SAPCD2: variants seen among roughly 807,000 people sequenced by gnomAD.
SAPCD2 encodes the protein suppressor APC domain-containing protein 2.
A neutral mutation model predicts 37.8 loss-of-function variants in SAPCD2; 34 were observed. The observed-to-expected ratio is 0.90, with a 90% CI of 0.68 to 1.20. The LOEUF is 1.20. SAPCD2 is among the 50% of genes most tolerant of loss of function. The probability of loss-of-function intolerance (pLI) is 0.00; values close to 1 mark genes in which losing one functional copy is unlikely to be tolerated. For missense variants in SAPCD2, 572 were observed against 584.7 expected, an observed-to-expected ratio of 0.98 and a Z score of 0.22; for synonymous variants, 275 against 270.3, an observed-to-expected ratio of 1.02 and a Z score of -0.17.
At chr9:137,067,634 C>T (rs940825448) in intron 1 of SAPCD2, among the ~76,000 whole-genome samples, 3 of 149,256 alleles carry the variant, frequency 2.0e-5, no homozygotes, top group Admixed American at 6.6e-5. Flanking sequence ...ATTAGCAGGG[C>T]GTGGTGGCAT....
chr9:137,062,485 T>C lies in SAPCD2; in HGVS notation c.*2174A>G, dbSNP rs1441243992. 1 of 152,186 alleles carries C rather than the reference T, an allele frequency of 6.6e-6. No homozygotes were observed. Among genetic ancestry groups the C allele is most frequent in the African/African-American group, 2.4e-5 (1 of 41,446 alleles). 9.4% of individuals were successfully genotyped at this position (152,186 alleles called of 1,614,324 possible). A position where few individuals can be genotyped will look rare whatever the true frequency, so the allele number is the denominator to read the frequency against. On this transcript the variant is annotated 3_prime_UTR_variant, in exon 6 of 6. Transcript: ENST00000409687. Reference sequence around the variant, plus strand: ...GAGGCCTGGTGTGGGTGTGTTCCTCTGGGGCAGATTCTCAACTGGGGACAC... The same window carrying C: ...GAGGCCTGGTGTGGGTGTGTTCCTCCGGGGCAGATTCTCAACTGGGGACAC...
Position 137,065,785 on chromosome 9 carries a change from G to A in SAPCD2, c.685-117C>T, listed in dbSNP as rs79333944. 5.6e-3 allele frequency: 7,273 copies of A among 1,300,914 alleles called. 282 individuals carry two copies. In the African/African-American group the frequency reaches 0.086, roughly 15 times the overall value. 80.6% of individuals were successfully genotyped at this position (1,300,914 alleles called of 1,614,324 possible). A position where few individuals can be genotyped will look rare whatever the true frequency, so the allele number is the denominator to read the frequency against. ...GCCACAGACACAAATGCAGCAGCAC[G>A]TGTACACGTTTGCAAACACCCACGG... On this transcript the variant is annotated intron_variant, in intron 2 of 5. Coordinates refer to ENST00000409687, the MANE Select transcript of SAPCD2 (RefSeq NM_178448.4).
At position 137,070,142 on chromosome 9, in the gene SAPCD2, G is replaced by C. The variant is rs1832603494; in HGVS notation, c.319C>G (p.Arg107Gly). Reference protein sequence around the residue: ...SADGGPRDPTRAPARPGDQPP... With the variant: ...SADGGPRDPTGAPARPGDQPP... ...TGATCCCCGGGCCGGGCCGGGGCGC[G>C]CGTGGGGTCCCGGGGGCCGCCGTCG... The change falls in exon 1 of 6, where the codon CGC (arginine) becomes GGC (glycine). Residue 107 changes from arginine (R) to glycine (G), a missense_variant. Physicochemically the swap from Arg to Gly is moderately radical, Grantham distance 125. Coordinates refer to ENST00000409687, the MANE Select transcript of SAPCD2 (RefSeq NM_178448.4). The C allele has an allele frequency of 4.2e-6, 5 of 1,202,518 alleles. No homozygotes were observed. The highest frequency in any genetic ancestry group is 5.2e-6 in the Non-Finnish European group (5 of 970,320). The allele number at this position is 1,202,518 out of a possible 1,614,324, so 74.5% of individuals were successfully genotyped here.
rs775873796 is a variant in SAPCD2, at chr9:137,065,474, C to T, written c.831+48G>A. The T allele has an allele frequency of 3.2e-6, 5 of 1,541,524 alleles. No homozygotes were observed. The Admixed American group carries it at 5.8e-5, about 18-fold the overall frequency. Reference sequence around the variant, plus strand: ...AATGCCCAAGGGTGCCTGGGGTGAGCTGGGGTCCCCATGTGTGGGGATCTG... The same window carrying T: ...AATGCCCAAGGGTGCCTGGGGTGAGTTGGGGTCCCCATGTGTGGGGATCTG... On this transcript the variant is annotated intron_variant, in intron 3 of 5. Coordinates refer to ENST00000409687, the MANE Select transcript of SAPCD2 (RefSeq NM_178448.4).
In SAPCD2 at chr9:137,068,777, G is replaced by A. The variant is rs117086535; in HGVS notation, c.571+1113C>T. Reference sequence around the variant, plus strand: ...GCTTAGGCCTCCAAACCCCAGGCCCGGCCACAGCGTGCAATCCCATGGCTG... The same window carrying A: ...GCTTAGGCCTCCAAACCCCAGGCCCAGCCACAGCGTGCAATCCCATGGCTG... On this transcript the variant is annotated intron_variant, in intron 1 of 5. Coordinates refer to ENST00000409687, the MANE Select transcript of SAPCD2 (RefSeq NM_178448.4). 7.9e-5 allele frequency among the ~76,000 whole-genome samples: 12 copies of A among 152,334 alleles called. No homozygotes were observed. In the East Asian group the frequency reaches 2.1e-3, roughly 27 times the overall value.
intron 1 of SAPCD2, among the ~76,000 whole-genome samples, chr9:137,069,567 G>A (rs1832594687): frequency 6.6e-6 from 1 of 152,226 alleles, no homozygotes; most frequent in Non-Finnish European, 1.5e-5. Context: ...TGGAGATGGA[G>A]AGCCCAAGCT....
In SAPCD2 at chr9:137,070,387, G is replaced by T; in HGVS notation, c.74C>A (p.Pro25Gln). Residue 25 changes from proline to glutamine, a missense_variant, in exon 1 of 6, where the codon CCG (proline) becomes CAG (glutamine). Pro to Gln is a moderately conservative substitution (Grantham distance 76, BLOSUM62 -1). Transcript: ENST00000409687. Reference protein sequence around the residue: ...PAPAPSTEGLPRAFLQSLRTL... With the variant: ...PAPAPSTEGLQRAFLQSLRTL... ...GCGCAGGCTCTGCAGGAAGGCGCGC[G>T]GCAGCCCCTCCGTGCTGGGCGCGGG... 7.2e-7 allele frequency: 1 copy of T among 1,395,802 alleles called. No homozygotes were observed. The highest frequency in any genetic ancestry group is 9.3e-7 in the Non-Finnish European group (1 of 1,070,288). 86.5% of individuals were successfully genotyped at this position (1,395,802 alleles called of 1,614,324 possible). A position where few individuals can be genotyped will look rare whatever the true frequency, so the allele number is the denominator to read the frequency against.
At position 137,064,954 on chromosome 9, in the gene SAPCD2, G is replaced by C. The variant is rs1213149032; in HGVS notation, c.965C>G (p.Pro322Arg). Reference protein sequence around the residue: ...SRALPPSSSGPPCPALTSTSP... With the variant: ...SRALPPSSSGRPCPALTSTSP... ...GGTGGACGTCAGGGCAGGGCAGGGG[G>C]GCCCGGAGGAGGACGGGGGCAGGGC... Residue 322 changes from proline (P) to arginine (R), a missense_variant, in exon 5 of 6, where the codon CCC (proline) becomes CGC (arginine). By Grantham distance (103) the Pro-to-Arg change is moderately radical. Transcript: ENST00000409687. 6.5e-7 allele frequency: 1 copy of C among 1,547,960 alleles called. No homozygotes were observed.
intron 1 of SAPCD2, among the ~76,000 whole-genome samples, chr9:137,067,824 A>T (rs1832571626): frequency 6.9e-6 from 1 of 144,650 alleles, no homozygotes; most frequent in Non-Finnish European, 1.5e-5. Flanking sequence ...GTGATACGCC[A>T]GGCGGTGCAC....
In SAPCD2 at chr9:137,062,206, A is replaced by G. The variant is rs1053387746; in HGVS notation, c.*2453T>C. 8.5e-5 allele frequency: 13 copies of G among 152,162 alleles called. No homozygotes were observed. Among genetic ancestry groups the G allele is most frequent in the African/African-American group, 2.2e-4 (9 of 41,434 alleles). The allele number at this position is 152,162 out of a possible 1,614,324, so 9.4% of individuals were successfully genotyped here. Reference sequence around the variant, plus strand: ...TTATATTCTCTCTGATAATTCTAGTATCTGGGTCTAGAGTCAATCTGTTGC... The same window carrying G: ...TTATATTCTCTCTGATAATTCTAGTGTCTGGGTCTAGAGTCAATCTGTTGC... On this transcript the variant is annotated 3_prime_UTR_variant, in exon 6 of 6. Transcript: ENST00000409687.
Position 137,064,948 on chromosome 9 carries a change from C to A in SAPCD2, c.971G>T (p.Cys324Phe), listed in dbSNP as rs1832522086. 1 of 1,550,452 alleles carries A rather than the reference C, an allele frequency of 6.4e-7. No individual in the cohort carries two copies. The highest frequency in any genetic ancestry group is 1.4e-5 in the African/African-American group (1 of 73,268). Residue 324 changes from cysteine to phenylalanine, a missense_variant, in exon 5 of 6, where the codon TGC becomes TTC. Coordinates refer to ENST00000409687, the MANE Select transcript of SAPCD2 (RefSeq NM_178448.4). ...ALPPSSSGPP[C>F]PALTSTSPPV... Reference sequence around the variant, plus strand: ...GGGTGAGGTGGACGTCAGGGCAGGGCAGGGGGGCCCGGAGGAGGACGGGGG... The same window carrying A: ...GGGTGAGGTGGACGTCAGGGCAGGGAAGGGGGGCCCGGAGGAGGACGGGGG...
chr9:137,064,387 C>T lies in SAPCD2; in HGVS notation c.*272G>A. On this transcript the variant is annotated 3_prime_UTR_variant, in exon 6 of 6. Coordinates refer to ENST00000409687, the MANE Select transcript of SAPCD2 (RefSeq NM_178448.4). ...GGGGTACCCCACTGTCCACTGACAG[C>T]GGCAGTAGTAGCTGCGGACTATGCG... is the stretch of plus-strand genomic sequence containing the variant. 1.1e-5 allele frequency: 6 copies of T among 536,844 alleles called. No homozygotes were observed. Among genetic ancestry groups the T allele is most frequent in the Middle Eastern group, 5.0e-4 (1 of 1,982 alleles). 33.3% of individuals were successfully genotyped at this position (536,844 alleles called of 1,614,324 possible). A position where few individuals can be genotyped will look rare whatever the true frequency, so the allele number is the denominator to read the frequency against.
rs1445678300 is a variant in SAPCD2 at position 137,065,507 on chromosome 9, G to T, written c.831+15C>A. 2.5e-6 allele frequency: 4 copies of T among 1,587,890 alleles called. No individual in the cohort carries two copies. The Admixed American group carries it at 5.1e-5, about 20-fold the overall frequency. On this transcript the variant is annotated intron_variant, in intron 3 of 5. Transcript: ENST00000409687. Reference sequence around the variant, plus strand: ...CCCATGTGTGGGGATCTGGGGACAGGGCTGTGGCACTCACGGCGCTGGCTC... The same window carrying T: ...CCCATGTGTGGGGATCTGGGGACAGTGCTGTGGCACTCACGGCGCTGGCTC...
chr9:137,064,208 G>T lies in SAPCD2; in HGVS notation c.*451C>A. The T allele has an allele frequency of 4.6e-6, 1 of 217,164 alleles. No individual in the cohort carries two copies. The highest frequency in any genetic ancestry group is 5.4e-5 in the South Asian group (1 of 18,402). The allele number at this position is 217,164 out of a possible 1,614,324, so 13.5% of individuals were successfully genotyped here. On this transcript the variant is annotated 3_prime_UTR_variant, in exon 6 of 6. Coordinates refer to ENST00000409687, the MANE Select transcript of SAPCD2 (RefSeq NM_178448.4). Reference sequence around the variant, plus strand: ...ACAGCCACCTCGTCCTGGTGCCCTGGTTGAGCGGGAAGCTGCCCTTGGACC... The same window carrying T: ...ACAGCCACCTCGTCCTGGTGCCCTGTTTGAGCGGGAAGCTGCCCTTGGACC...
rs1271655115 is a variant in SAPCD2 at position 137,070,279 on chromosome 9, G to A, written c.182C>T (p.Ala61Val). ...EIESRWQGTD[A>V]RELPRGVLEG... ...CAGCACCCCGCGGGGCAGCTCCCGCGCGTCGGTGCCCTGCCAGCGGGACTC... is the reference window on the plus strand; with the variant it reads ...CAGCACCCCGCGGGGCAGCTCCCGCACGTCGGTGCCCTGCCAGCGGGACTC... The change falls in exon 1 of 6, where the codon GCG becomes GTG. Residue 61 changes from alanine (A) to valine (V), a missense_variant. Transcript: ENST00000409687. 1.4e-6 allele frequency: 2 copies of A among 1,458,200 alleles called. No individual in the cohort carries two copies. The highest frequency in any genetic ancestry group is 1.5e-5 in the African/African-American group (1 of 67,738). The allele number at this position is 1,458,200 out of a possible 1,614,324, so 90.3% of individuals were successfully genotyped here.
rs1229671956 is a variant in SAPCD2, at chr9:137,070,161, G to A, written c.300C>T (p.Gly100=). 3 of 1,223,134 alleles carry A rather than the reference G, an allele frequency of 2.5e-6. No homozygotes were observed. The highest frequency in any genetic ancestry group is 3.5e-5 in the South Asian group (1 of 28,770). The allele number at this position is 1,223,134 out of a possible 1,614,324, so 75.8% of individuals were successfully genotyped here. The change falls in exon 1 of 6, where the codon GGC becomes GGT. Residue 100 remains glycine (G), a synonymous_variant. Coordinates refer to ENST00000409687, the MANE Select transcript of SAPCD2 (RefSeq NM_178448.4). ...GLRTSLLSAD[G]GPRDPTRAPA... ...GGGCGCGCGTGGGGTCCCGGGGGCC[G>A]CCGTCGGCGCTCAGCAGGGAGGTGC...
rs1223319620 is a variant in SAPCD2, at chr9:137,069,978, C to T, written c.483G>A (p.Leu161=). Residue 161 remains leucine (L), a synonymous_variant, in exon 1 of 6, where the codon CTG becomes CTA. Transcript: ENST00000409687. ...PSAAARSPEQ[L]CAPAEAAPCP... ...AGGGCGCCGCCTCAGCCGGGGCGCACAGCTGCTCCGGGCTGCGGGCGGCGG... is the reference window on the plus strand; with the variant it reads ...AGGGCGCCGCCTCAGCCGGGGCGCATAGCTGCTCCGGGCTGCGGGCGGCGG... 2 of 1,238,338 alleles carry T rather than the reference C, an allele frequency of 1.6e-6. No homozygotes were observed. The highest frequency in any genetic ancestry group is 4.3e-5 in the Admixed American group (1 of 23,356). 76.7% of individuals were successfully genotyped at this position (1,238,338 alleles called of 1,614,324 possible). A position where few individuals can be genotyped will look rare whatever the true frequency, so the allele number is the denominator to read the frequency against.
chr9:137,070,551 C>T lies in SAPCD2; in HGVS notation c.-91G>A, dbSNP rs1832612231. Reference sequence around the variant, plus strand: ...GCCCGGCGAGCTCAGCCCACGGCGACAATAGCGACTACTTTTGAATGGGGC... The same window carrying T: ...GCCCGGCGAGCTCAGCCCACGGCGATAATAGCGACTACTTTTGAATGGGGC... On this transcript the variant is annotated 5_prime_UTR_variant, in exon 1 of 6. Transcript: ENST00000409687. 9 of 798,234 alleles carry T rather than the reference C, an allele frequency of 1.1e-5. No individual in the cohort carries two copies. The highest frequency in any genetic ancestry group is 1.5e-5 in the Non-Finnish European group (9 of 603,676). The allele number at this position is 798,234 out of a possible 1,614,324, so 49.4% of individuals were successfully genotyped here. A position where few individuals can be genotyped will look rare whatever the true frequency, so the allele number is the denominator to read the frequency against.
At chr9:137,067,024 G>C (rs1057276462) in intron 1 of SAPCD2, among the ~76,000 whole-genome samples, 1 of 152,072 alleles carries the variant, frequency 6.6e-6, no homozygotes, top group Non-Finnish European at 1.5e-5. Flanking sequence ...TTTTGTTCCT[G>C]TTGCCCAGGC....
Sources: gnomAD v4.1 joint callset for allele counts (sites outside exome capture counted in the v4.1 genomes callset) on GRCh38, gnomAD v4.1.1 for gene constraint, MANE v1.5 for transcripts, NCBI Gene and HGNC (gene_info 2026-07-23, HGNC 2026-07-21) for gene names.